The following SLC38A9 variants were observed in gnomAD, a reference collection of about 807,000 sequenced individuals.
SLC38A9 encodes solute carrier family 38 member 9, also known as neutral amino acid transporter 9.
A neutral mutation model predicts 62.3 loss-of-function variants in SLC38A9; 48 were observed. That is an observed-to-expected ratio of 0.77 (90% CI 0.61 to 0.98). SLC38A9 has a LOEUF of 0.98. Ranked by LOEUF, SLC38A9 falls within the 50% of genes least tolerant of loss-of-function variation. SLC38A9 has a pLI of 0.00. For synonymous variants in SLC38A9, 204 were observed against 227.7 expected (o/e 0.90, Z 0.94); for missense variants, 541 against 679.8 (o/e 0.80, Z 2.27).
In SLC38A9 at chr5:55,651,248, C is replaced by CTTTTTTT. The variant is rs1157691760; in HGVS notation, c.952+1274_952+1280dup. 3.0e-3 allele frequency among the ~76,000 whole-genome samples: 357 copies of CTTTTTTT among 117,582 alleles called. 8 individuals carry two copies. Among genetic ancestry groups the CTTTTTTT allele is most frequent in the African/African-American group, 0.011 (336 of 30,690 alleles). 77.1% of individuals were successfully genotyped at this position (117,582 alleles called of 152,430 possible). On this transcript the variant is annotated intron_variant, in intron 10 of 15. Transcript: ENST00000396865. ...TCACTGGGGGGGTTCCTTTTGCCATCTTTTTTTTTTTTTTTTTTTTAAGAC... is the reference window on the plus strand; with the variant it reads ...TCACTGGGGGGGTTCCTTTTGCCATCTTTTTTTTTTTTTTTTTTTTTTTTTTTAAGAC...
intron 4 of SLC38A9, among the ~76,000 whole-genome samples, chr5:55,670,764 G>T (rs1477570395): frequency 9.9e-5 from 15 of 152,048 alleles, no homozygotes. Flanking sequence ...CCTCTAGAAG[G>T]TCTCAACTAG....
At chr5:55,675,293 T>A (rs1580297327) in intron 3 of SLC38A9, 1 of 152,166 alleles carries the variant, frequency 6.6e-6, no homozygotes, top group South Asian at 2.1e-4. Flanking sequence ...ACTCTGAAAG[T>A]TTTTCTTTTC....
chr5:55,696,058 T>C (rs1580400240), intron 3 of SLC38A9: 1 of 66,146 alleles, frequency 1.5e-5, no homozygotes, highest in African/African-American at 4.7e-5. Flanking sequence ...ACGGGGCGGC[T>C]GGCCGGGCGG....
At chr5:55,694,207 CAAAAAAA>C in intron 3 of SLC38A9, 2 of 170,968 alleles carry the variant, frequency 1.2e-5, no homozygotes, top group South Asian at 1.1e-4. Context: ...GACCCTGTCT[CAAAAAAA>C]AAAAAAAAAA....
chr5:55,669,286 CAG>C lies in SLC38A9; in HGVS notation c.466_467del (p.Leu156AspfsTer26). On this transcript the variant is annotated frameshift_variant, in exon 7 of 16. Transcript: ENST00000396865. LOFTEE classifies it high-confidence loss of function. ...AGCAATAAAGTGTTAAAAGGCCCATCAGTATGATGACACACATTCCAGTAGTA... is the reference window on the plus strand; with the variant it reads ...AGCAATAAAGTGTTAAAAGGCCCATCTATGATGACACACATTCCAGTAGTA... ...GFTTGMCVII[L>X]MGLLTLYCCY... 1 of 1,613,278 alleles carries C rather than the reference CAG, an allele frequency of 6.2e-7. No homozygotes were observed. The highest frequency in any genetic ancestry group is 1.1e-5 in the South Asian group (1 of 90,956).
At chr5:55,708,374 G>A (rs879891997) in intron 2 of SLC38A9, among the ~76,000 whole-genome samples, 13 of 152,268 alleles carry the variant, frequency 8.5e-5, no homozygotes, top group South Asian at 2.1e-4. Context: ...ACTTCTCTCC[G>A]TAAAAAGGAC....
chr5:55,686,315 C>T (rs1484607508), intron 3 of SLC38A9, among the ~76,000 whole-genome samples: 1 of 152,104 alleles, frequency 6.6e-6, no homozygotes, highest in Non-Finnish European at 1.5e-5. Context: ...TAATAATAAC[C>T]ATTCTGACTG....
intron 3 of SLC38A9, chr5:55,696,112 G>A (rs1360667087): frequency 1.7e-5 from 1 of 57,930 alleles, no homozygotes; most frequent in African/African-American, 5.1e-5. Context: ...GCGGCTGGCC[G>A]GGTGGGGGGC....
intron 7 of SLC38A9, among the ~76,000 whole-genome samples, chr5:55,666,746 T>C (rs1750525942): frequency 6.6e-6 from 1 of 150,726 alleles, no homozygotes; most frequent in African/African-American, 2.5e-5. Context: ...ATACAAAAAT[T>C]GCCAGGCACA....
At chr5:55,703,201 T>C (rs1561447883) in intron 2 of SLC38A9, among the ~76,000 whole-genome samples, 1 of 94,038 alleles carries the variant, frequency 1.1e-5, no homozygotes, top group Non-Finnish European at 2.7e-5. Flanking sequence ...CTCAATAAAG[T>C]TAAAAAAAAA....
At chr5:55,690,581 T>C (rs549639481) in intron 3 of SLC38A9, among the ~76,000 whole-genome samples, 1 of 152,332 alleles carries the variant, frequency 6.6e-6, no homozygotes, top group Non-Finnish European at 1.5e-5. Context: ...TATACAACTC[T>C]GGAAACCACC....
chr5:55,656,728 A>G lies in SLC38A9; in HGVS notation c.744T>C (p.Asn248=). The G allele has an allele frequency of 1.9e-6, 3 of 1,597,930 alleles. No homozygotes were observed. The South Asian group carries it at 3.3e-5, about 18-fold the overall frequency. Residue 248 remains asparagine, a synonymous_variant, in exon 9 of 16, where the codon AAT becomes AAC. Transcript: ENST00000396865. ...INDTDTILST[N]NSNPVICPSA... ...CAAACTACTTACCAGGGTTGCTATT[A>G]TTGGTACTCAGTATAGTGTCTGTGT...
chr5:55,702,573 G>A (rs1187351509), intron 2 of SLC38A9, among the ~76,000 whole-genome samples: 1 of 151,726 alleles, frequency 6.6e-6, no homozygotes, highest in African/African-American at 2.4e-5. Context: ...TTAGTACTTT[G>A]TAATGGGAAA....
intron 12 of SLC38A9, among the ~76,000 whole-genome samples, chr5:55,643,931 G>GT (rs1286533651): frequency 2.6e-5 from 4 of 152,118 alleles, no homozygotes. Context: ...GTTAGGCTTT[G>GT]TTTTTTAACA....
At chr5:55,664,981 T>C (rs1750225029) in intron 7 of SLC38A9, 118 bp from the exon 8 acceptor site, 1 of 521,160 alleles carries the variant, frequency 1.9e-6, no homozygotes, top group African/African-American at 2.0e-5. Context: ...ATTCTATCGC[T>C]AGACATTAGA....
rs1241884717 is a variant in SLC38A9, at chr5:55,669,221, T to C, written c.526+7A>G. On this transcript the variant is annotated splice_region_variant and intron_variant, in intron 7 of 15. Coordinates refer to ENST00000396865, the MANE Select transcript of SLC38A9 (RefSeq NM_173514.4). ...CATAATCTATTGTCACTGTGTCAAA[T>C]TCTTACACATCATAGTCCGTGATTT... 1 of 1,601,862 alleles carries C rather than the reference T, an allele frequency of 6.2e-7. No individual in the cohort carries two copies. The highest frequency in any genetic ancestry group is 1.3e-5 in the African/African-American group (1 of 74,616).
At chr5:55,668,376 C>G (rs1007203364) in intron 7 of SLC38A9, among the ~76,000 whole-genome samples, 1 of 152,174 alleles carries the variant, frequency 6.6e-6, no homozygotes. Context: ...AATGAATCTT[C>G]TCTCAAGACT....
At chr5:55,658,446 G>A (rs570350085) in intron 8 of SLC38A9, among the ~76,000 whole-genome samples, 21 of 152,256 alleles carry the variant, frequency 1.4e-4, no homozygotes, top group Admixed American at 2.6e-4. Flanking sequence ...AAACCACCGC[G>A]CCCAGCCCAA....
chr5:55,704,955 T>C (rs1395170106), intron 2 of SLC38A9, among the ~76,000 whole-genome samples: 1 of 152,230 alleles, frequency 6.6e-6, no homozygotes, highest in Non-Finnish European at 1.5e-5. Flanking sequence ...ATACATATAA[T>C]GTGGCTGGTA....
Sources: gnomAD v4.1 joint callset for allele counts (sites outside exome capture counted in the v4.1 genomes callset) on GRCh38, gnomAD v4.1.1 for gene constraint, MANE v1.5 for transcripts, NCBI Gene and HGNC (gene_info 2026-07-23, HGNC 2026-07-21) for gene names.